ZNF836: variants seen among roughly 807,000 people sequenced by gnomAD.
ZNF836 encodes zinc finger protein 836.
Under a neutral mutation model 7.4 loss-of-function variants are expected in ZNF836, and 12 were observed. That is an observed-to-expected ratio of 1.61 (90% CI 1.03 to 2.61). The LOEUF is 2.61. Ranked by LOEUF, ZNF836 falls within the 30% of genes most tolerant of loss-of-function variation. The pLI, the probability that ZNF836 is intolerant of heterozygous loss-of-function variation, is 0.00. For missense variants in ZNF836, 998 were observed against 1,126.2 expected, an observed-to-expected ratio of 0.89 and a Z score of 1.63; for synonymous variants, 365 against 382.6, an observed-to-expected ratio of 0.95 and a Z score of 0.54.
chr19:52,164,455 AGG>A (rs2089243717), intron 3 of ZNF836, among the ~76,000 whole-genome samples: 5 of 121,576 alleles, frequency 4.1e-5, no homozygotes, highest in African/African-American at 6.8e-5. Flanking sequence ...GAGAAAAGGA[AGG>A]AAGGAAGGAA....
chr19:52,157,902 G>C (rs77096836), intron 4 of ZNF836, among the ~76,000 whole-genome samples: 4 of 148,976 alleles, frequency 2.7e-5, no homozygotes, highest in Non-Finnish European at 4.5e-5. Flanking sequence ...AGTATTATTT[G>C]TTTTTTTTTA....
At position 52,154,978 on chromosome 19, in the gene ZNF836, C is replaced by A; in HGVS notation, c.2705G>T (p.Arg902Leu). Residue 902 changes from arginine to leucine, a missense_variant, in exon 5 of 5, where the codon CGC becomes CTC. Arg to Leu is a moderately radical substitution (Grantham distance 102). Coordinates refer to ENST00000682614, the MANE Select transcript of ZNF836 (RefSeq NM_001102657.3). ...TGTCTGATGTTTAGTGAGGCCTGAG[C>A]GACTAATGAAAGATTTGCCACACTC... The part of the protein sequence containing the change: ...CNECGKSFIS[R>L]SGLTKHQTKH... The A allele has an allele frequency of 1.9e-6, 3 of 1,609,464 alleles. No homozygotes were observed. In the South Asian group the frequency reaches 3.3e-5, roughly 18 times the overall value.
chr19:52,161,936 T>C lies in ZNF836; in HGVS notation c.16-1345A>G, dbSNP rs2089216258. Among the ~76,000 whole-genome samples the C allele has an allele frequency of 7.2e-5, 11 of 152,170 alleles. No individual in the cohort carries two copies. Among genetic ancestry groups the C allele is most frequent in the Admixed American group, 7.2e-4 (11 of 15,272 alleles). On this transcript the variant is annotated intron_variant, in intron 3 of 4. Coordinates refer to ENST00000682614, the MANE Select transcript of ZNF836 (RefSeq NM_001102657.3). This position sits in a 1 kb window ranked among gnomAD's most constrained non-coding sequence, Gnocchi z 4.1. ...ATACAATGGTGGGGCAGACACAGGT[T>C]AAATATTTCAATTCCAAAAGGGAGA...
Position 52,155,223 on chromosome 19 carries a change from A to C in ZNF836, c.2460T>G (p.Ile820Met), listed in dbSNP as rs1403547293. 6.2e-7 allele frequency: 1 copy of C among 1,613,908 alleles called. No homozygotes were observed. The highest frequency in any genetic ancestry group is 8.5e-7 in the Non-Finnish European group (1 of 1,179,914). Residue 820 changes from isoleucine (I) to methionine (M), a missense_variant, in exon 5 of 5, where the codon ATT (isoleucine) becomes ATG (methionine). Transcript: ENST00000682614. ...TATGCATTTTCTGATGATTAACCAG[A>C]ATTGAACGCACTCTAAAGGCTTTGC... Reference protein sequence around the residue: ...ECGKAFRVRSILVNHQKMHTG... With the variant: ...ECGKAFRVRSMLVNHQKMHTG...
intron 3 of ZNF836, among the ~76,000 whole-genome samples, chr19:52,160,935 C>T (rs2089207961): frequency 6.6e-6 from 1 of 152,260 alleles, no homozygotes; most frequent in African/African-American, 2.4e-5. Flanking sequence ...TTGGAGATGA[C>T]AATGTCCATA....
chr19:52,157,480 T>C lies in ZNF836; in HGVS notation c.203A>G (p.Glu68Gly), dbSNP rs1420523899. The C allele has an allele frequency of 1.9e-6, 3 of 1,586,404 alleles. No individual in the cohort carries two copies. In the East Asian group the frequency reaches 6.7e-5, roughly 35 times the overall value. Reference sequence around the variant, plus strand: ...TTCCAGCGTCACTGTTTGGCATTTTTCTCCTGTATTACTGTTCCCTATTGG... The same window carrying C: ...TTCCAGCGTCACTGTTTGGCATTTTCCTCCTGTATTACTGTTCCCTATTGG... ...LPPIGNSNTG[E>G]KCQTVTLERH... is the part of the protein sequence containing the mutation. Residue 68 changes from glutamate to glycine, a missense_variant, in exon 5 of 5, where the codon GAA (glutamate) becomes GGA (glycine). By Grantham distance (98) the Glu-to-Gly change is moderately conservative. Transcript: ENST00000682614.
chr19:52,168,754 A>G (rs562778219), intron 2 of ZNF836, among the ~76,000 whole-genome samples: 2 of 151,984 alleles, frequency 1.3e-5, no homozygotes, highest in Admixed American at 6.6e-5. Flanking sequence ...TTGCAACAAC[A>G]TGGATGAACC....
At position 52,156,295 on chromosome 19, in the gene ZNF836, C is replaced by T; in HGVS notation, c.1388G>A (p.Ser463Asn). ...TTTGTAAGGTTTCTCTCCAGTATGA[C>T]TTCTCTGGTGCCTTGCAAGTTGTGA... ...QRSQLARHQR[S>N]HTGEKPYKCN... is the part of the protein sequence containing the mutation. The change falls in exon 5 of 5, where the codon AGT becomes AAT. Residue 463 changes from serine (S) to asparagine (N), a missense_variant. Transcript: ENST00000682614. 6.2e-7 allele frequency: 1 copy of T among 1,613,844 alleles called. No individual in the cohort carries two copies. The highest frequency in any genetic ancestry group is 2.2e-5 in the East Asian group (1 of 44,840).
At position 52,155,530 on chromosome 19, in the gene ZNF836, C is replaced by A. The variant is rs772164776; in HGVS notation, c.2153G>T (p.Gly718Val). Residue 718 changes from glycine (G) to valine (V), a missense_variant, in exon 5 of 5, where the codon GGG becomes GTG. Gly to Val is a moderately radical substitution (Grantham distance 109, BLOSUM62 -3). Coordinates refer to ENST00000682614, the MANE Select transcript of ZNF836 (RefSeq NM_001102657.3). ...ATGGCTACATTTGTGTGGTTTCTCC[C>A]CAGTAGGATTTCTGTGATATCTTGC... ...KLARYHRNPT[G>V]EKPHKCSHCG... 1 of 1,613,890 alleles carries A rather than the reference C, an allele frequency of 6.2e-7. No individual in the cohort carries two copies. Among genetic ancestry groups the A allele is most frequent in the South Asian group, 1.1e-5 (1 of 91,068 alleles).
chr19:52,166,224 T>TCA (rs2089262643), intron 3 of ZNF836, among the ~76,000 whole-genome samples: 1 of 152,118 alleles, frequency 6.6e-6, no homozygotes, highest in Non-Finnish European at 1.5e-5. Context: ...ACTCCTGACC[T>TCA]GGTGATCCGC....
In ZNF836 at chr19:52,157,320, A is replaced by T. The variant is rs1369025776; in HGVS notation, c.363T>A (p.Asn121Lys). The T allele has an allele frequency of 6.2e-7, 1 of 1,604,682 alleles. No individual in the cohort carries two copies. The highest frequency in any genetic ancestry group is 1.1e-5 in the South Asian group (1 of 88,954). The change falls in exon 5 of 5, where the codon AAT (asparagine) becomes AAA (lysine). Residue 121 changes from asparagine (N) to lysine (K), a missense_variant. Physicochemically the swap from Asn to Lys is moderately conservative, Grantham distance 94. Coordinates refer to ENST00000682614, the MANE Select transcript of ZNF836 (RefSeq NM_001102657.3). ...EVPMTYKNNL[N>K]GKRGQHSQED... ...CTTGACTATGTTGACCTCTTTTACC[A>T]TTAAGATTGTTTTTATAGGTCATTG...
chr19:52,163,285 T>C (rs1391781847), intron 3 of ZNF836, among the ~76,000 whole-genome samples: 1 of 152,222 alleles, frequency 6.6e-6, no homozygotes, highest in Non-Finnish European at 1.5e-5. Flanking sequence ...CTCTCCTAAA[T>C]ACACTTTTAA....
Position 52,156,112 on chromosome 19 carries a change from T to C in ZNF836, c.1571A>G (p.Lys524Arg). 6.2e-7 allele frequency: 1 copy of C among 1,614,106 alleles called. No homozygotes were observed. Among genetic ancestry groups the C allele is most frequent in the Non-Finnish European group, 8.5e-7 (1 of 1,179,924 alleles). Residue 524 changes from lysine (K) to arginine (R), a missense_variant, in exon 5 of 5, where the codon AAA becomes AGA. By Grantham distance (26) the Lys-to-Arg change is conservative (BLOSUM62 2). Coordinates refer to ENST00000682614, the MANE Select transcript of ZNF836 (RefSeq NM_001102657.3). ...TCCACATTCACCGCATTGGTAACGT[T>C]TCTCTCTGGTATGAATTATCTTATG... is the stretch of plus-strand genomic sequence containing the variant. ...TRHKIIHTRE[K>R]RYQCGECGKV...
At chr19:52,166,530 A>G (rs2089265227) in intron 3 of ZNF836, among the ~76,000 whole-genome samples, 1 of 151,526 alleles carries the variant, frequency 6.6e-6, no homozygotes, top group Admixed American at 6.6e-5. Flanking sequence ...AATTTCATAT[A>G]TAATAAAATA....
At position 52,167,128 on chromosome 19, in the gene ZNF836, C is replaced by T. The variant is rs116203678; in HGVS notation, c.15+930G>A. ...CACCGCAGTCTCTGTGGGACGGATACAGTGACAATGGCTAAAAGAATCTGA... is the reference window on the plus strand; with the variant it reads ...CACCGCAGTCTCTGTGGGACGGATATAGTGACAATGGCTAAAAGAATCTGA... On this transcript the variant is annotated intron_variant, in intron 3 of 4. Transcript: ENST00000682614. 9.6e-3 allele frequency among the ~76,000 whole-genome samples: 1,452 copies of T among 151,702 alleles called. 24 individuals are homozygous for T. The highest frequency in any genetic ancestry group is 0.033 in the African/African-American group (1,353 of 41,338).
At position 52,156,121 on chromosome 19, in the gene ZNF836, G is replaced by T. The variant is rs772482595; in HGVS notation, c.1562C>A (p.Thr521Asn). The T allele has an allele frequency of 4.3e-6, 7 of 1,614,030 alleles. No homozygotes were observed. Among genetic ancestry groups the T allele is most frequent in the Non-Finnish European group, 5.9e-6 (7 of 1,179,946 alleles). The stretch of plus-strand genomic sequence containing the variant: ...ACCGCATTGGTAACGTTTCTCTCTG[G>T]TATGAATTATCTTATGTCGAGTGAG... ...SLLTRHKIIH[T>N]REKRYQCGEC... is the part of the protein sequence containing the mutation. The change falls in exon 5 of 5, where the codon ACC (threonine) becomes AAC (asparagine). Residue 521 changes from threonine (T) to asparagine (N), a missense_variant. Thr to Asn is a moderately conservative substitution (Grantham distance 65). Transcript: ENST00000682614.
chr19:52,162,273 T>C (rs1418004235), intron 3 of ZNF836, among the ~76,000 whole-genome samples: 1 of 152,184 alleles, frequency 6.6e-6, no homozygotes, highest in Non-Finnish European at 1.5e-5. Flanking sequence ...ACAGGGACTC[T>C]CTGAAGTTGG....
intron 3 of ZNF836, among the ~76,000 whole-genome samples, chr19:52,165,538 A>G (rs976480249): frequency 2.6e-5 from 4 of 152,182 alleles, no homozygotes; most frequent in African/African-American, 9.7e-5. Flanking sequence ...GCAACTTGAC[A>G]CCTCTCACTG....
At chr19:52,164,439 G>C (rs1319009265) in intron 3 of ZNF836, among the ~76,000 whole-genome samples, 1 of 134,628 alleles carries the variant, frequency 7.4e-6, no homozygotes, top group South Asian at 2.4e-4. Flanking sequence ...GGGAGAGAGA[G>C]AGAGAGAGAA....
Sources: gnomAD v4.1 joint callset for allele counts (sites outside exome capture counted in the v4.1 genomes callset) on GRCh38, gnomAD v4.1.1 for gene constraint, Gnocchi (gnomAD v3.1) non-coding constraint, MANE v1.5 for transcripts, NCBI Gene and HGNC (gene_info 2026-07-23, HGNC 2026-07-21) for gene names.